Variants in QTMAN observed in about 807,000 individuals in gnomAD.
QTMAN encodes queuosine-tRNA mannosyltransferase.
At chr2:144,177,570 G>A in the QTMAN span, among the ~76,000 whole-genome samples, 1 of 152,272 alleles carries the variant, frequency 6.6e-6, no homozygotes, top group East Asian at 1.9e-4. Flanking sequence ...CTGAGTTGTT[G>A]AGTCAACTTG....
chr2:144,058,701 C>T, the QTMAN span, among the ~76,000 whole-genome samples: 1 of 152,170 alleles, frequency 6.6e-6, no homozygotes, highest in Admixed American at 6.5e-5. Flanking sequence ...GCTCCAAACT[C>T]CTAGTTCCAA....
the QTMAN span, among the ~76,000 whole-genome samples, chr2:144,181,257 C>T: frequency 6.6e-6 from 1 of 152,194 alleles, no homozygotes; most frequent in Non-Finnish European, 1.5e-5. Context: ...ATGATCTATG[C>T]ACACAGTGCA....
At chr2:144,128,394 T>G in the QTMAN span, 5 of 152,170 alleles carry the variant, frequency 3.3e-5, no homozygotes, top group African/African-American at 1.2e-4. Context: ...CAAAATGAGT[T>G]ACAGATCAGA....
At chr2:144,218,915 T>TAAAA in the QTMAN span, among the ~76,000 whole-genome samples, 100 of 54,340 alleles carry the variant, frequency 1.8e-3, no homozygotes, top group East Asian at 2.7e-3. Context: ...GGAAAGTATC[T>TAAAA]AAAAAAAAAA....
the QTMAN span, among the ~76,000 whole-genome samples, chr2:144,166,328 C>T: frequency 1.2e-4 from 19 of 152,194 alleles, no homozygotes; most frequent in Non-Finnish European, 2.6e-4. Context: ...AGAAGGCTTT[C>T]CAGGTCCCTC....
At chr2:144,332,914 A>T in the QTMAN span, among the ~76,000 whole-genome samples, 1 of 152,080 alleles carries the variant, frequency 6.6e-6, no homozygotes, top group Non-Finnish European at 1.5e-5. Context: ...GCTGTTCATT[A>T]GGTCGACCTC....
chr2:143,962,398 G>C, the QTMAN span, among the ~76,000 whole-genome samples: 1 of 151,952 alleles, frequency 6.6e-6, no homozygotes, highest in Admixed American at 6.6e-5. Context: ...AAAGATAACT[G>C]GAATTCATGA....
At chr2:144,269,724 A>G in the QTMAN span, among the ~76,000 whole-genome samples, 1 of 152,176 alleles carries the variant, frequency 6.6e-6, no homozygotes, top group African/African-American at 2.4e-5. Flanking sequence ...ACTAAGATCC[A>G]GAAGGAAAGA....
At chr2:143,998,392 T>C in the QTMAN span, among the ~76,000 whole-genome samples, 1 of 151,700 alleles carries the variant, frequency 6.6e-6, no homozygotes, top group Non-Finnish European at 1.5e-5. Context: ...CAAATAATGC[T>C]GAAATAGCTA....
At chr2:144,019,820 G>C in the QTMAN span, among the ~76,000 whole-genome samples, 1 of 152,168 alleles carries the variant, frequency 6.6e-6, no homozygotes, top group Non-Finnish European at 1.5e-5. Flanking sequence ...CTCCCAGAGA[G>C]CTGGAGATTC....
At chr2:144,042,016 C>A in the QTMAN span, among the ~76,000 whole-genome samples, 1 of 152,176 alleles carries the variant, frequency 6.6e-6, no homozygotes, top group Non-Finnish European at 1.5e-5. Context: ...GAAGGTCCCA[C>A]AGGCCCTGAT....
At chr2:143,951,106 G>GT in the QTMAN span, 1 of 151,818 alleles carries the variant, frequency 6.6e-6, no homozygotes, top group Non-Finnish European at 1.5e-5. Context: ...GCAGAGAACT[G>GT]TATTTCATGT....
the QTMAN span, among the ~76,000 whole-genome samples, chr2:144,327,254 C>T: frequency 2.0e-5 from 3 of 152,218 alleles, no homozygotes; most frequent in South Asian, 2.1e-4. Flanking sequence ...CCACCCCACA[C>T]GTCTCTTCAT....
the QTMAN span, among the ~76,000 whole-genome samples, chr2:144,004,587 A>T: frequency 6.6e-6 from 1 of 152,074 alleles, no homozygotes; most frequent in South Asian, 2.1e-4. Context: ...ATTTTCATTG[A>T]AGAGTCTTGC....
the QTMAN span, among the ~76,000 whole-genome samples, chr2:143,991,700 G>A: frequency 1.1e-4 from 13 of 113,492 alleles, no homozygotes; most frequent in East Asian, 3.0e-4. Flanking sequence ...GGGTCAGCCC[G>A]CCGCCCGGCC....
At chr2:144,090,627 G>A in the QTMAN span, among the ~76,000 whole-genome samples, 24 of 152,084 alleles carry the variant, frequency 1.6e-4, no homozygotes, top group South Asian at 5.0e-3. Flanking sequence ...TCAAAAAAAG[G>A]TAAATATTGA....
chr2:144,279,292 A>C, the QTMAN span, among the ~76,000 whole-genome samples: 2 of 151,796 alleles, frequency 1.3e-5, no homozygotes, highest in African/African-American at 4.8e-5. Flanking sequence ...GTTTTCCAGG[A>C]AGAGTGAAAG....
At chr2:144,309,616 TACAA>T in the QTMAN span, among the ~76,000 whole-genome samples, 2 of 152,184 alleles carry the variant, frequency 1.3e-5, no homozygotes, top group East Asian at 3.8e-4. Context: ...GAGGAGTGAC[TACAA>T]ACAGACACAA....
At chr2:144,165,567 C>T in the QTMAN span, among the ~76,000 whole-genome samples, 1 of 152,090 alleles carries the variant, frequency 6.6e-6, no homozygotes, top group Non-Finnish European at 1.5e-5. Context: ...GCTCATGGCT[C>T]CTGTATCTGG....
Sources: allele counts gnomAD v4.1 joint callset (sites outside exome capture counted in the v4.1 genomes callset), GRCh38; gene constraint gnomAD v4.1.1; transcripts MANE v1.5; gene names NCBI Gene and HGNC (gene_info 2026-07-23, HGNC 2026-07-21).